The following UBE2E3 variants were observed in gnomAD, a reference collection of about 807,000 sequenced individuals.
The protein encoded by UBE2E3 is ubiquitin conjugating enzyme E2 E3, also known as ubiquitin-conjugating enzyme E2 E3.
A neutral mutation model predicts 23.6 loss-of-function variants in UBE2E3; 5 were observed. That is an observed-to-expected ratio of 0.21 (90% CI 0.11 to 0.44). The LOEUF is 0.44. Among genes scored for constraint, UBE2E3 ranks in the 20% least tolerant of loss-of-function variants. The pLI is 0.99. For synonymous variants in UBE2E3, 78 were observed against 87.5 expected (o/e 0.89, Z 0.60); for missense variants, 81 against 249.8 (o/e 0.32, Z 4.55).
At chr2:181,021,562 T>TC (rs1685681689) in intron 3 of UBE2E3, among the ~76,000 whole-genome samples, 12 of 35,328 alleles carry the variant, frequency 3.4e-4, no homozygotes, top group Non-Finnish European at 6.2e-4. Context: ...CTCCCTTCCT[T>TC]CCTTCCTTCC....
At chr2:181,034,596 C>T (rs1436054490) in intron 3 of UBE2E3, among the ~76,000 whole-genome samples, 1 of 152,070 alleles carries the variant, frequency 6.6e-6, no homozygotes, top group Non-Finnish European at 1.5e-5. Flanking sequence ...TTAATGGGTG[C>T]AGCACACCAA....
At chr2:181,029,839 C>CCT (rs1405781280) in intron 3 of UBE2E3, among the ~76,000 whole-genome samples, 2 of 131,946 alleles carry the variant, frequency 1.5e-5, no homozygotes, top group Non-Finnish European at 3.2e-5. Context: ...AATTCGGTCC[C>CCT]TTTTTTTTTT....
intron 3 of UBE2E3, among the ~76,000 whole-genome samples, chr2:181,051,079 TATTTTTGGTCCATG>T (rs1686832816): frequency 6.6e-6 from 1 of 151,866 alleles, no homozygotes; most frequent in African/African-American, 2.4e-5. Context: ...AACTATCCTG[TATTTTTGGTCCATG>T]ATTTCTGCAT....
Position 181,063,095 on chromosome 2 carries a change from C to T in UBE2E3, c.*207C>T, listed in dbSNP as rs556155162. On this transcript the variant is annotated 3_prime_UTR_variant, in exon 6 of 6. Coordinates refer to ENST00000410062, the MANE Select transcript of UBE2E3 (RefSeq NM_006357.4). The surrounding 1 kb of genome is among the most constrained non-coding windows in gnomAD (Gnocchi z 4.1). ...AGCTGTAGATTAGTTATGTTTAAAA[C>T]GCCTACTTGCAAGTCTTGCTTCTTT... The T allele has an allele frequency of 2.7e-5, 9 of 329,126 alleles. No individual in the cohort carries two copies. The highest frequency in any genetic ancestry group is 1.3e-4 in the South Asian group (1 of 7,710). 20.4% of individuals were successfully genotyped at this position (329,126 alleles called of 1,614,324 possible).
At chr2:181,000,432 T>C (rs1048030050) in intron 3 of UBE2E3, among the ~76,000 whole-genome samples, 1 of 152,172 alleles carries the variant, frequency 6.6e-6, no homozygotes, top group Non-Finnish European at 1.5e-5. Flanking sequence ...ACTGTACAAC[T>C]CCAGGGGGTA....
intron 3 of UBE2E3, among the ~76,000 whole-genome samples, chr2:181,030,382 C>T (rs1447069361): frequency 6.6e-6 from 1 of 151,934 alleles, no homozygotes; most frequent in Admixed American, 6.6e-5. Context: ...GGCACGATCT[C>T]ATCTCAGAAT....
intron 3 of UBE2E3, among the ~76,000 whole-genome samples, chr2:181,051,063 G>A (rs1408112960): frequency 6.6e-6 from 1 of 151,632 alleles, no homozygotes; most frequent in Non-Finnish European, 1.5e-5. Flanking sequence ...CCGGCCCAGA[G>A]GCAATAACTA....
intron 3 of UBE2E3, among the ~76,000 whole-genome samples, chr2:181,025,754 G>A (rs1685864095): frequency 6.6e-6 from 1 of 151,794 alleles, no homozygotes; most frequent in Non-Finnish European, 1.5e-5. Flanking sequence ...GTGACAATTT[G>A]TTAGTCTTCA....
intron 3 of UBE2E3, among the ~76,000 whole-genome samples, chr2:180,991,189 T>C (rs1684645431): frequency 6.6e-6 from 1 of 151,970 alleles, no homozygotes; most frequent in Non-Finnish European, 1.5e-5. Context: ...GATTCTAGAA[T>C]TGTAGATAAG....
At chr2:180,996,579 T>A (rs889615775) in intron 3 of UBE2E3, among the ~76,000 whole-genome samples, 2 of 152,188 alleles carry the variant, frequency 1.3e-5, no homozygotes, top group African/African-American at 4.8e-5. Context: ...ACATTGAACA[T>A]CCTCAGACTC....
At chr2:181,053,733 G>C (rs1356537129) in intron 3 of UBE2E3, among the ~76,000 whole-genome samples, 1 of 151,558 alleles carries the variant, frequency 6.6e-6, no homozygotes, top group African/African-American at 2.4e-5. Flanking sequence ...TTTTCATATG[G>C]GTTCACTCTT....
intron 3 of UBE2E3, among the ~76,000 whole-genome samples, chr2:181,017,437 C>G (rs1403094565): frequency 2.6e-5 from 4 of 152,040 alleles, no homozygotes; most frequent in African/African-American, 9.7e-5. Context: ...CAAGCATGAT[C>G]CCTCCTGGAT....
At chr2:181,019,810 T>C (rs1027306677) in intron 3 of UBE2E3, among the ~76,000 whole-genome samples, 2 of 152,320 alleles carry the variant, frequency 1.3e-5, no homozygotes, top group East Asian at 1.9e-4. Context: ...TCACCTTACA[T>C]ACTTACCATT....
At chr2:181,047,758 G>T (rs531334215) in intron 3 of UBE2E3, among the ~76,000 whole-genome samples, 2 of 152,076 alleles carry the variant, frequency 1.3e-5, no homozygotes, top group South Asian at 4.2e-4. Context: ...CAGCCCCTCC[G>T]GGCCTCCTCC....
intron 3 of UBE2E3, among the ~76,000 whole-genome samples, chr2:180,999,160 G>A (rs13406482): frequency 0.042 from 6,407 of 152,124 alleles, 197 homozygotes; most frequent in African/African-American, 0.078. Context: ...ATAAAAGGTC[G>A]AATTTATTTA....
rs142123055 is a variant in UBE2E3, at chr2:181,007,299, C to T, written c.245+23206C>T. Among the ~76,000 whole-genome samples, 192 of 152,248 alleles carry T rather than the reference C, an allele frequency of 1.3e-3. 1 individual carries two copies. The highest frequency in any genetic ancestry group is 4.3e-3 in the African/African-American group (178 of 41,544). ...AGCTTGCTACCTTATCCTTTTCCCTCATCTGTACAGTAGGTAGTATGGCCT... is the reference window on the plus strand; with the variant it reads ...AGCTTGCTACCTTATCCTTTTCCCTTATCTGTACAGTAGGTAGTATGGCCT... On this transcript the variant is annotated intron_variant, in intron 3 of 5. Coordinates refer to ENST00000410062, the MANE Select transcript of UBE2E3 (RefSeq NM_006357.4).
In UBE2E3 at chr2:180,980,730, T is replaced by A. The variant is rs1444344174; in HGVS notation, c.-269T>A. On this transcript the variant is annotated 5_prime_UTR_variant, in exon 1 of 6. Transcript: ENST00000410062. This position sits in a 1 kb window ranked among gnomAD's most constrained non-coding sequence, Gnocchi z 5.5. ...AGCTCGCGCCCTCGCCCAGCCGAGC[T>A]CCCACCCCCGCTTTTTTCCGAAGGC... The A allele has an allele frequency of 2.0e-5, 3 of 146,932 alleles. No individual in the cohort carries two copies. Among genetic ancestry groups the A allele is most frequent in the South Asian group, 2.1e-4 (1 of 4,726 alleles). The allele number at this position is 146,932 out of a possible 1,614,324, so 9.1% of individuals were successfully genotyped here.
At chr2:181,053,567 G>A (rs1686904970) in intron 3 of UBE2E3, among the ~76,000 whole-genome samples, 2 of 147,032 alleles carry the variant, frequency 1.4e-5, no homozygotes, top group East Asian at 2.0e-4. Flanking sequence ...GCAGTTTTAG[G>A]TTCATAGCAA....
chr2:181,035,335 T>G (rs1310595303), intron 3 of UBE2E3, among the ~76,000 whole-genome samples: 1 of 152,206 alleles, frequency 6.6e-6, no homozygotes, highest in African/African-American at 2.4e-5. Context: ...CTGATTTTTC[T>G]TTTTGAACTT....
Sources: allele counts gnomAD v4.1 joint callset (sites outside exome capture counted in the v4.1 genomes callset), GRCh38; gene constraint gnomAD v4.1.1; non-coding constraint Gnocchi (gnomAD v3.1); transcripts MANE v1.5; gene names NCBI Gene and HGNC (gene_info 2026-07-23, HGNC 2026-07-21).